VPS13C: variants seen among roughly 807,000 people sequenced by gnomAD.
VPS13C encodes the protein intermembrane lipid transfer protein VPS13C.
VPS13C carries 358 observed loss-of-function variants against 456.8 expected under a neutral mutation model. That is an observed-to-expected ratio of 0.78 (90% CI 0.72 to 0.86). The LOEUF (loss-of-function observed/expected upper bound fraction) is 0.86, where lower values mean the gene tolerates loss of function less well. Among genes scored for constraint, VPS13C ranks in the 40% least tolerant of loss-of-function variants. VPS13C has a pLI of 0.00. For synonymous variants in VPS13C, 1,578 were observed against 1,486.7 expected (o/e 1.06, Z -1.41); for missense variants, 4,818 against 4,385.4 (o/e 1.10, Z -2.79).
At chr15:61,993,172 T>C in intron 16 of VPS13C, among the ~76,000 whole-genome samples, 1 of 152,152 alleles carries the variant, frequency 6.6e-6, no homozygotes, top group South Asian at 2.1e-4. Flanking sequence ...GATGAATTCA[T>C]GAACAGTTTT....
At chr15:61,913,067 T>C (rs2043351530) in intron 62 of VPS13C, among the ~76,000 whole-genome samples, 2 of 150,520 alleles carry the variant, frequency 1.3e-5, no homozygotes, top group South Asian at 2.1e-4. Context: ...ATAGGAACAC[T>C]TTTACACTGT....
In VPS13C at chr15:61,856,453, A is replaced by T. The variant is rs143799048; in HGVS notation, c.10953-44T>A. The T allele has an allele frequency of 2.4e-4, 378 of 1,607,438 alleles. 3 individuals carry two copies. In the East Asian group the frequency reaches 8.1e-3, roughly 35 times the overall value. On this transcript the variant is annotated intron_variant, in intron 82 of 84. Coordinates refer to ENST00000644861, the MANE Select transcript of VPS13C (RefSeq NM_020821.3). ...CAAAAACTTACAGTAAATGATGAAG[A>T]CAGTTTATTCTTGCCAATATTTCAC...
chr15:62,003,449 A>T (rs1406576694), intron 15 of VPS13C, among the ~76,000 whole-genome samples: 2 of 152,102 alleles, frequency 1.3e-5, no homozygotes, highest in African/African-American at 2.4e-5. Context: ...TAGATATACA[A>T]TCATGTCGTC....
intron 64 of VPS13C, among the ~76,000 whole-genome samples, chr15:61,909,429 G>A (rs528928750): frequency 2.0e-5 from 3 of 152,254 alleles, no homozygotes; most frequent in South Asian, 2.1e-4. Flanking sequence ...GGCTGGTCTC[G>A]AACTCCTGAC....
At position 61,881,644 on chromosome 15, in the gene VPS13C, A is replaced by G; in HGVS notation, c.9707-12T>C. 6.2e-7 allele frequency: 1 copy of G among 1,609,784 alleles called. No homozygotes were observed. Among genetic ancestry groups the G allele is most frequent in the Non-Finnish European group, 8.5e-7 (1 of 1,178,600 alleles). Reference sequence around the variant, plus strand: ...GAAAGGCTTGGGCTCTAAGAGGAAGAAGTAACACATAAAAAAAAATAATGC... The same window carrying G: ...GAAAGGCTTGGGCTCTAAGAGGAAGGAGTAACACATAAAAAAAAATAATGC... On this transcript the variant is annotated splice_polypyrimidine_tract_variant and intron_variant, in intron 70 of 84. Transcript: ENST00000644861.
intron 27 of VPS13C, among the ~76,000 whole-genome samples, chr15:61,971,247 C>G (rs77578461): frequency 6.6e-6 from 1 of 151,942 alleles, no homozygotes; most frequent in Non-Finnish European, 1.5e-5. Flanking sequence ...TCTGACATTC[C>G]CTTTTATTTT....
chr15:61,966,206 A>AT, intron 29 of VPS13C, 64 bp from the exon 30 acceptor site: 4 of 1,125,192 alleles, frequency 3.6e-6, no homozygotes, highest in Non-Finnish European at 3.9e-6. Flanking sequence ...TCACTTATTT[A>AT]TTATCTCTGG....
At chr15:61,958,266 A>G (rs2045076089) in intron 37 of VPS13C, among the ~76,000 whole-genome samples, 1 of 152,050 alleles carries the variant, frequency 6.6e-6, no homozygotes, top group Admixed American at 6.6e-5. Flanking sequence ...AATCAGATAC[A>G]CTATGCTACC....
At chr15:61,900,520 G>C (rs1383307892) in intron 66 of VPS13C, among the ~76,000 whole-genome samples, 1 of 152,076 alleles carries the variant, frequency 6.6e-6, no homozygotes, top group Admixed American at 6.6e-5. Flanking sequence ...CTGATTCAAA[G>C]AGAATAAAAT....
At position 61,876,855 on chromosome 15, in the gene VPS13C, C is replaced by T. The variant is rs533152149; in HGVS notation, c.10224+118G>A. ...AATCATTGAAGAAAGCCACTAAATA[C>T]GGAGATTTCAAAGTGAGATAAATTA... is the stretch of plus-strand genomic sequence containing the variant. On this transcript the variant is annotated intron_variant, in intron 75 of 84. Coordinates refer to ENST00000644861, the MANE Select transcript of VPS13C (RefSeq NM_020821.3). The T allele has an allele frequency of 8.4e-5, 55 of 655,504 alleles. No homozygotes were observed. The South Asian group carries it at 1.3e-3, about 15-fold the overall frequency. 40.6% of individuals were successfully genotyped at this position (655,504 alleles called of 1,614,324 possible). A position where few individuals can be genotyped will look rare whatever the true frequency, so the allele number is the denominator to read the frequency against.
intron 66 of VPS13C, among the ~76,000 whole-genome samples, chr15:61,900,137 C>T (rs1321614682): frequency 6.6e-6 from 1 of 152,098 alleles, no homozygotes; most frequent in Non-Finnish European, 1.5e-5. Context: ...CTATCTATGA[C>T]AAACCCACAG....
At chr15:61,921,909 G>A (rs751908857) in intron 55 of VPS13C, 38 bp downstream of exon 55, 1 of 1,569,594 alleles carries the variant, frequency 6.4e-7, no homozygotes, top group Non-Finnish European at 8.8e-7. Context: ...AATATGCATA[G>A]TATCATTCTA....
chr15:62,054,276 C>A (rs889498343), intron 1 of VPS13C, among the ~76,000 whole-genome samples: 4 of 152,154 alleles, frequency 2.6e-5, no homozygotes, highest in African/African-American at 9.7e-5. Context: ...AGTATGTACC[C>A]ACCAGGCACT....
chr15:61,895,621 C>CA (rs2042784514), intron 66 of VPS13C, among the ~76,000 whole-genome samples: 1 of 152,102 alleles, frequency 6.6e-6, no homozygotes, highest in Non-Finnish European at 1.5e-5. Flanking sequence ...TTTCTGGACA[C>CA]AAACAGTCTG....
chr15:61,935,519 A>G (rs1016355268), intron 48 of VPS13C: 1 of 152,244 alleles, frequency 6.6e-6, no homozygotes, highest in Admixed American at 6.5e-5. Context: ...CAAGAACCAG[A>G]TACATGATCG....
intron 74 of VPS13C, 47 bp downstream of exon 74, chr15:61,878,560 T>C (rs767026329): frequency 2.5e-6 from 4 of 1,587,390 alleles, no homozygotes; most frequent in East Asian, 4.5e-5. Context: ...TCTAGAAACA[T>C]GACCTTGGTA....
intron 38 of VPS13C, among the ~76,000 whole-genome samples, chr15:61,953,453 T>C (rs905767070): frequency 4.2e-5 from 6 of 141,884 alleles, no homozygotes; most frequent in South Asian, 4.5e-4. Flanking sequence ...TGTGTCCTCA[T>C]TGTTCAATTC....
chr15:61,929,452 CTTGTCAAAATATA>C, intron 51 of VPS13C, 36 bp downstream of exon 51: 13 of 1,546,824 alleles, frequency 8.4e-6, no homozygotes, highest in Non-Finnish European at 1.1e-5. Context: ...GTTTGTAATT[CTTGTCAAAATATA>C]CAAGTTGTCA....
chr15:61,959,661 AGCAAAGTCAAGCAGTT>A, intron 35 of VPS13C, 66 bp from the exon 36 acceptor site: 1 of 1,505,738 alleles, frequency 6.6e-7, no homozygotes, highest in Non-Finnish European at 9.0e-7. Flanking sequence ...ATTAAAAAAA[AGCAAAGTCAAGCAGTT>A]ATTTGCTGCT....
Sources: gnomAD v4.1 joint callset for allele counts (sites outside exome capture counted in the v4.1 genomes callset) on GRCh38, gnomAD v4.1.1 for gene constraint, MANE v1.5 for transcripts, NCBI Gene and HGNC (gene_info 2026-07-23, HGNC 2026-07-21) for gene names.